The following TGFBR3 variants were observed in gnomAD, a reference collection of about 807,000 sequenced individuals.
The protein encoded by TGFBR3 is transforming growth factor beta receptor 3.
In TGFBR3, 46 loss-of-function variants were observed where a neutral mutation model predicts 87.9. That is an observed-to-expected ratio of 0.52 (90% CI 0.41 to 0.67). The LOEUF (loss-of-function observed/expected upper bound fraction) is 0.67. Ranked by LOEUF, TGFBR3 falls within the 30% of genes least tolerant of loss-of-function variation. The pLI is 0.00. For synonymous variants in TGFBR3, 381 were observed against 391.6 expected (o/e 0.97, Z 0.32); for missense variants, 866 against 1,041.9 (o/e 0.83, Z 2.32).
chr1:91,739,012 G>A (rs1673056119), intron 4 of TGFBR3, among the ~76,000 whole-genome samples: 1 of 152,196 alleles, frequency 6.6e-6, no homozygotes, highest in African/African-American at 2.4e-5. Context: ...GGTCTGACAT[G>A]GTGAAGGAAG....
intron 2 of TGFBR3, among the ~76,000 whole-genome samples, chr1:91,821,195 T>A (rs1571544169): frequency 6.6e-6 from 1 of 151,802 alleles, no homozygotes; most frequent in South Asian, 2.1e-4. Flanking sequence ...CCAGGTATGG[T>A]GGCACACGCC....
At chr1:91,873,462 T>G (rs970120233) in intron 1 of TGFBR3, among the ~76,000 whole-genome samples, 4 of 151,820 alleles carry the variant, frequency 2.6e-5, no homozygotes, top group Non-Finnish European at 5.9e-5. Context: ...TTTGTATTTT[T>G]TTTTAGTAAA....
chr1:91,890,392 G>A (rs945428356), upstream of TGFBR3, among the ~76,000 whole-genome samples: 8 of 114,718 alleles, frequency 7.0e-5, no homozygotes, highest in Non-Finnish European at 1.3e-4. Context: ...AAAATCATTT[G>A]GTTGTTTCTC....
intron 4 of TGFBR3, among the ~76,000 whole-genome samples, chr1:91,748,883 A>C (rs1371399127): frequency 6.6e-6 from 1 of 152,062 alleles, no homozygotes; most frequent in African/African-American, 2.4e-5. Flanking sequence ...CAACAAAAGC[A>C]CCTACTTCAC....
intron 2 of TGFBR3, among the ~76,000 whole-genome samples, chr1:91,858,459 C>CA (rs1678046437): frequency 6.6e-6 from 1 of 151,202 alleles, no homozygotes; most frequent in Non-Finnish European, 1.5e-5. Flanking sequence ...TACTAAAATA[C>CA]AAAAAATTAG....
chr1:91,716,869 C>T (rs1289324665), intron 10 of TGFBR3, among the ~76,000 whole-genome samples, 161 bp from the exon 11 acceptor site: 1 of 152,188 alleles, frequency 6.6e-6, no homozygotes, highest in African/African-American at 2.4e-5. Context: ...CGAATTATAT[C>T]TTCAAAGTGA....
intron 6 of TGFBR3, among the ~76,000 whole-genome samples, chr1:91,728,140 C>T (rs1294171642): frequency 6.6e-6 from 1 of 152,082 alleles, no homozygotes; most frequent in Non-Finnish European, 1.5e-5. Context: ...GTTGCTTTTT[C>T]AACCTTCAAC....
At position 91,810,378 on chromosome 1, in the gene TGFBR3, T is replaced by G. The variant is rs17880269; in HGVS notation, c.62-12907A>C. ...CTGGCCCAGAACTACACTTTTGTAT[T>G]GCACCTGATAAAATTCAGAGGTCCC... On this transcript the variant is annotated intron_variant, in intron 2 of 16. Coordinates refer to ENST00000212355, the MANE Select transcript of TGFBR3 (RefSeq NM_003243.5). Among the ~76,000 whole-genome samples, 3 of 152,328 alleles carry G rather than the reference T, an allele frequency of 2.0e-5. No individual in the cohort carries two copies. In the East Asian group the frequency reaches 5.8e-4, roughly 29 times the overall value.
At chr1:91,722,321 A>G (rs1672397942) in intron 7 of TGFBR3, among the ~76,000 whole-genome samples, 177 bp from the exon 8 acceptor site, 1 of 152,188 alleles carries the variant, frequency 6.6e-6, no homozygotes, top group Admixed American at 6.5e-5. Flanking sequence ...TTAATAGCCG[A>G]CTAAAAGACA....
At chr1:91,849,938 C>T (rs1571570863) in intron 2 of TGFBR3, among the ~76,000 whole-genome samples, 3 of 151,914 alleles carry the variant, frequency 2.0e-5, no homozygotes, top group South Asian at 2.1e-4. Context: ...AAAAATTAGC[C>T]GGGCATGGTG....
intron 2 of TGFBR3, among the ~76,000 whole-genome samples, chr1:91,833,779 CAAA>C (rs34182358): frequency 3.7e-5 from 5 of 136,698 alleles, no homozygotes; most frequent in Non-Finnish European, 1.6e-5. Context: ...GACTTCATCT[CAAA>C]AAAAAAAAAA....
chr1:91,700,721 C>G (rs1671591050), intron 14 of TGFBR3, among the ~76,000 whole-genome samples: 1 of 152,194 alleles, frequency 6.6e-6, no homozygotes, highest in African/African-American at 2.4e-5. Context: ...GAGCTGGGTC[C>G]CATCAGCCTC....
At chr1:91,898,288 T>C (rs1271400959) in intron 2 of TGFBR3, among the ~76,000 whole-genome samples, 2 of 152,088 alleles carry the variant, frequency 1.3e-5, no homozygotes, top group Non-Finnish European at 2.9e-5. Context: ...AGACAGAACA[T>C]GAAGATGCTA....
intron 3 of TGFBR3, among the ~76,000 whole-genome samples, chr1:91,795,446 T>C (rs1675343583): frequency 6.6e-6 from 1 of 152,190 alleles, no homozygotes; most frequent in African/African-American, 2.4e-5. Context: ...TGAATCCCAT[T>C]TTGAATAACA....
intron 3 of TGFBR3, among the ~76,000 whole-genome samples, chr1:91,770,514 A>T (rs981582794): frequency 6.6e-6 from 1 of 152,194 alleles, no homozygotes; most frequent in African/African-American, 2.4e-5. Context: ...TCATGGATTT[A>T]TAAGAGGCTT....
intron 7 of TGFBR3, 73 bp from the exon 8 acceptor site, chr1:91,722,217 C>T: frequency 2.5e-6 from 3 of 1,183,600 alleles, no homozygotes; most frequent in Non-Finnish European, 3.7e-6. Context: ...AATTAAATAT[C>T]TTAAATAAGT....
intron 1 of TGFBR3, among the ~76,000 whole-genome samples, chr1:91,862,250 T>C (rs931226744): frequency 1.3e-5 from 2 of 152,162 alleles, no homozygotes; most frequent in South Asian, 2.1e-4. Context: ...ACCAGTTAAG[T>C]TGTGGTACCA....
In TGFBR3 at chr1:91,792,618, T is replaced by C. The variant is rs56281323; in HGVS notation, c.246+4669A>G. On this transcript the variant is annotated intron_variant, in intron 3 of 16. Transcript: ENST00000212355. ...ATTAGATGATAGGAAACAAAATTGT[T>C]GCCATTCCAGCAACTAATGAAAGTA... Among the ~76,000 whole-genome samples the C allele has an allele frequency of 3.7e-3, 565 of 152,290 alleles. 3 individuals are homozygous for C. Among genetic ancestry groups the C allele is most frequent in the African/African-American group, 0.013 (532 of 41,554 alleles).
chr1:91,808,255 C>T (rs1675908882), intron 2 of TGFBR3, among the ~76,000 whole-genome samples: 1 of 152,078 alleles, frequency 6.6e-6, no homozygotes, highest in African/African-American at 2.4e-5. Context: ...AACCAGACCC[C>T]CATCTCTTTA....
Sources: gnomAD v4.1 joint callset for allele counts (sites outside exome capture counted in the v4.1 genomes callset) on GRCh38, gnomAD v4.1.1 for gene constraint, MANE v1.5 for transcripts, NCBI Gene and HGNC (gene_info 2026-07-23, HGNC 2026-07-21) for gene names.